Variants in IGF1R observed in about 807,000 individuals in gnomAD.
IGF1R encodes insulin like growth factor 1 receptor.
IGF1R carries 44 observed loss-of-function variants against 144.6 expected under a neutral mutation model. The observed-to-expected ratio is 0.30, with a 90% CI of 0.24 to 0.39. The LOEUF (loss-of-function observed/expected upper bound fraction) is 0.39, where lower values mean the gene tolerates loss of function less well. Ranked by LOEUF, IGF1R falls within the 10% of genes least tolerant of loss-of-function variation. The probability of loss-of-function intolerance (pLI) is 1.00; values close to 1 mark genes in which losing one functional copy is unlikely to be tolerated. For synonymous variants in IGF1R, 795 were observed against 722.8 expected (o/e 1.10, Z -1.60); for missense variants, 1,355 against 1,833.7 (o/e 0.74, Z 4.77).
At chr15:98,670,147 T>C (rs1031649437) in intron 1 of IGF1R, among the ~76,000 whole-genome samples, 11 of 152,240 alleles carry the variant, frequency 7.2e-5, no homozygotes, top group African/African-American at 2.6e-4. Context: ...AGAGCTTACA[T>C]TGTCTCTTGA....
chr15:98,719,510 G>A (rs1311587749), intron 2 of IGF1R, among the ~76,000 whole-genome samples: 3 of 152,234 alleles, frequency 2.0e-5, no homozygotes, highest in Non-Finnish European at 4.4e-5. Flanking sequence ...CCAAAGGTGG[G>A]TGATGAGGAG....
chr15:98,650,620 C>T (rs1248658893), intron 1 of IGF1R, among the ~76,000 whole-genome samples: 1 of 152,162 alleles, frequency 6.6e-6, no homozygotes, highest in African/African-American at 2.4e-5. Flanking sequence ...GGGGTGTAGT[C>T]GCCGCCTCAC....
chr15:98,869,201 C>T (rs140958057), intron 2 of IGF1R, among the ~76,000 whole-genome samples: 20 of 152,094 alleles, frequency 1.3e-4, no homozygotes, highest in Non-Finnish European at 2.2e-4. Flanking sequence ...AGTACTTATC[C>T]GCCAGGAAAC....
chr15:98,815,291 G>C (rs1371082299), intron 2 of IGF1R, among the ~76,000 whole-genome samples: 1 of 152,224 alleles, frequency 6.6e-6, no homozygotes, highest in Non-Finnish European at 1.5e-5. Flanking sequence ...AACAATGGCT[G>C]TCTTTTTAAT....
At position 98,916,765 on chromosome 15, in the gene IGF1R, G is replaced by T; in HGVS notation, c.2090G>T (p.Gly697Val). 2 of 1,614,110 alleles carry T rather than the reference G, an allele frequency of 1.2e-6. No homozygotes were observed. Among genetic ancestry groups the T allele is most frequent in the Non-Finnish European group, 1.7e-6 (2 of 1,180,014 alleles). Residue 697 changes from glycine to valine, a missense_variant, in exon 10 of 21, where the codon GGG (glycine) becomes GTG (valine). Physicochemically the swap from Gly to Val is moderately radical, Grantham distance 109 (BLOSUM62 -3). Around this residue, in one of 7 missense-constraint regions of IGF1R, gnomAD observed 880 missense variants for 1,202.7 expected, o/e 0.73. Coordinates refer to ENST00000650285, the MANE Select transcript of IGF1R (RefSeq NM_000875.5). ...ACTGAGGTGTGTGGTGGGGAGAAAG[G>T]GCCTTGCTGCGCCTGCCCCAAAACT... ...PKTEVCGGEKGPCCACPKTEA... is the reference protein window; with the variant it reads ...PKTEVCGGEKVPCCACPKTEA...
In IGF1R at chr15:98,848,366, C is replaced by A. The variant is rs545619234; in HGVS notation, c.641-42959C>A. ...CAGTTTACGTGTTCACACTAAAGTGCCAGTCTCTCTATGGGTTTTAGAGCT... is the reference window on the plus strand; with the variant it reads ...CAGTTTACGTGTTCACACTAAAGTGACAGTCTCTCTATGGGTTTTAGAGCT... On this transcript the variant is annotated intron_variant, in intron 2 of 20. Coordinates refer to ENST00000650285, the MANE Select transcript of IGF1R (RefSeq NM_000875.5). 3.3e-5 allele frequency among the ~76,000 whole-genome samples: 5 copies of A among 152,292 alleles called. No individual in the cohort carries two copies. In the East Asian group the frequency reaches 9.6e-4, roughly 29 times the overall value.
At chr15:98,818,979 C>T (rs375658456) in intron 2 of IGF1R, among the ~76,000 whole-genome samples, 1 of 152,000 alleles carries the variant, frequency 6.6e-6, no homozygotes, top group East Asian at 1.9e-4. Flanking sequence ...TTGGACAGAA[C>T]AGGGGGTGGA....
At position 98,935,258 on chromosome 15, in the gene IGF1R, C is replaced by A; in HGVS notation, c.3187-58C>A. 9.2e-7 allele frequency: 1 copy of A among 1,081,300 alleles called. No homozygotes were observed. The highest frequency in any genetic ancestry group is 1.3e-6 in the Non-Finnish European group (1 of 769,048). The allele number at this position is 1,081,300 out of a possible 1,614,324, so 67.0% of individuals were successfully genotyped here. Reference sequence around the variant, plus strand: ...ACCACAGAGACAGTTCCAGACAACACAGGCATCAGCAAGGGCCACCTGACC... The same window carrying A: ...ACCACAGAGACAGTTCCAGACAACAAAGGCATCAGCAAGGGCCACCTGACC... On this transcript the variant is annotated intron_variant, in intron 16 of 20. Coordinates refer to ENST00000650285, the MANE Select transcript of IGF1R (RefSeq NM_000875.5). This position sits in a 1 kb window ranked among gnomAD's most constrained non-coding sequence, Gnocchi z 4.2.
At chr15:98,888,012 C>A (rs58926686) in intron 2 of IGF1R, among the ~76,000 whole-genome samples, 7,197 of 152,318 alleles carry the variant, frequency 0.047, 295 homozygotes, top group East Asian at 0.15. Flanking sequence ...AACACCCAAG[C>A]CCTTGCACCC....
chr15:98,876,599 A>C (rs976853537), intron 2 of IGF1R, among the ~76,000 whole-genome samples: 3 of 152,208 alleles, frequency 2.0e-5, no homozygotes, highest in African/African-American at 7.2e-5. Flanking sequence ...GGGAATGGCA[A>C]GTGTTTTGTT....
At chr15:98,925,787 C>A (rs887668541) in intron 13 of IGF1R, among the ~76,000 whole-genome samples, 1 of 152,116 alleles carries the variant, frequency 6.6e-6, no homozygotes, top group Non-Finnish European at 1.5e-5. Flanking sequence ...GCCTGTAATC[C>A]CAGCTACTTG....
intron 2 of IGF1R, among the ~76,000 whole-genome samples, chr15:98,863,088 T>G (rs2670505): frequency 0.2 from 30,565 of 152,190 alleles, 3,862 homozygotes; most frequent in East Asian, 0.42. Context: ...GACGTTTTCC[T>G]GGGTTTTCTT....
At chr15:98,928,892 G>A (rs1011781255) in intron 13 of IGF1R, among the ~76,000 whole-genome samples, 1 of 152,080 alleles carries the variant, frequency 6.6e-6, no homozygotes, top group Non-Finnish European at 1.5e-5. Flanking sequence ...ATTGGAAAGG[G>A]GTGCCGTCCA....
intron 2 of IGF1R, among the ~76,000 whole-genome samples, chr15:98,763,579 A>G (rs922252663): frequency 1.3e-5 from 2 of 152,096 alleles, no homozygotes; most frequent in African/African-American, 2.4e-5. Context: ...AACCGTGTTA[A>G]CAGGTAGCAT....
intron 2 of IGF1R, among the ~76,000 whole-genome samples, chr15:98,870,902 C>G (rs2012748987): frequency 6.6e-6 from 1 of 152,214 alleles, no homozygotes; most frequent in Non-Finnish European, 1.5e-5. Context: ...GCACTGGCAC[C>G]AGGATGACTT....
intron 2 of IGF1R, among the ~76,000 whole-genome samples, chr15:98,713,784 C>T (rs1187101699): frequency 6.6e-6 from 1 of 152,136 alleles, no homozygotes; most frequent in East Asian, 1.9e-4. Flanking sequence ...CAAAAAAAAC[C>T]CCAACAAAAC....
rs373804268 is a variant in IGF1R at position 98,779,326 on chromosome 15, G to A, written c.640+71219G>A. ...CTAAAATTTAGCTTTTAAAAATTTC[G>A]ACTTCAGATTTTCTCTGAAGGTTTA... On this transcript the variant is annotated intron_variant, in intron 2 of 20. Transcript: ENST00000650285. Among the ~76,000 whole-genome samples the A allele has an allele frequency of 5.9e-5, 9 of 152,246 alleles. No homozygotes were observed. In the East Asian group the frequency reaches 9.6e-4, roughly 16 times the overall value.
At chr15:98,956,625 C>G (rs2016996323) in intron 20 of IGF1R, among the ~76,000 whole-genome samples, 1 of 152,196 alleles carries the variant, frequency 6.6e-6, no homozygotes. Flanking sequence ...TGCGGTCACT[C>G]ATCAGCCTTC....
At chr15:98,833,171 ACCAG>A (rs1275876323) in intron 2 of IGF1R, among the ~76,000 whole-genome samples, 17 of 152,188 alleles carry the variant, frequency 1.1e-4, no homozygotes, top group Non-Finnish European at 2.1e-4. Context: ...TATTAGAAAA[ACCAG>A]CCAATCAGCC....
Sources: gnomAD v4.1 joint callset for allele counts (sites outside exome capture counted in the v4.1 genomes callset) on GRCh38, gnomAD v4.1.1 for gene constraint, gnomAD v4.1.1 regional missense constraint, Gnocchi (gnomAD v3.1) non-coding constraint, MANE v1.5 for transcripts, NCBI Gene and HGNC (gene_info 2026-07-23, HGNC 2026-07-21) for gene names.